The following REXO5 variants were observed in gnomAD, a reference collection of about 807,000 sequenced individuals.
The protein encoded by REXO5 is exonuclease NEF-sp.
REXO5 carries 48 observed loss-of-function variants against 88.5 expected under a neutral mutation model. The ratio of observed to expected loss-of-function variants is 0.54; its 90% CI spans 0.43 to 0.69. The LOEUF (loss-of-function observed/expected upper bound fraction) is 0.69, where lower values mean the gene tolerates loss of function less well. Ranked by LOEUF, REXO5 falls within the 30% of genes least tolerant of loss-of-function variation. The pLI, the probability that REXO5 is intolerant of heterozygous loss-of-function variation, is 0.00. For synonymous variants in REXO5, 311 were observed against 336.5 expected, an observed-to-expected ratio of 0.92 and a Z score of 0.83; for missense variants, 749 against 912.2, an observed-to-expected ratio of 0.82 and a Z score of 2.30.
At chr16:20,843,859 G>A in intron 15 of REXO5, 75 bp from the exon 16 acceptor site, 1 of 1,064,520 alleles carries the variant, frequency 9.4e-7, no homozygotes, top group East Asian at 2.4e-5. Context: ...ACTGTAGTTT[G>A]AATCCTTTCC....
Position 20,820,274 on chromosome 16 carries a change from C to T in REXO5, c.476-1488C>T, listed in dbSNP as rs899495240. On this transcript the variant is annotated intron_variant, in intron 5 of 19. Transcript: ENST00000261377. ...CTACTGACAAACCAAGTTTACTCTA[C>T]ATTTCTGTCTTGCCTGGAATGTCCT... is the stretch of plus-strand genomic sequence containing the variant. 6.6e-5 allele frequency among the ~76,000 whole-genome samples: 10 copies of T among 152,026 alleles called. No homozygotes were observed. The South Asian group carries it at 1.2e-3, about 19-fold the overall frequency.
At chr16:20,814,017 T>C (rs1347956274) in intron 3 of REXO5, among the ~76,000 whole-genome samples, 1 of 152,136 alleles carries the variant, frequency 6.6e-6, no homozygotes, top group Non-Finnish European at 1.5e-5. Context: ...TGTTATGAAT[T>C]GGCTAGCTAC....
At chr16:20,816,739 A>T (rs564343124) in intron 5 of REXO5, among the ~76,000 whole-genome samples, 1 of 152,328 alleles carries the variant, frequency 6.6e-6, no homozygotes, top group East Asian at 1.9e-4. Context: ...CAATCTGGTT[A>T]GATAGCTAAG....
chr16:20,827,355 G>T lies in REXO5; in HGVS notation c.963G>T (p.Met321Ile). 1 of 1,611,582 alleles carries T rather than the reference G, an allele frequency of 6.2e-7. No individual in the cohort carries two copies. The highest frequency in any genetic ancestry group is 1.1e-5 in the South Asian group (1 of 90,740). ...SLDLDLRALK[M>I]IHPYVIDTSL... is the part of the protein sequence containing the mutation. Reference sequence around the variant, plus strand: ...ATTTTATTCTCTTTCTTCCTCAGATGATACATCCATATGTTATTGATACAT... The same window carrying T: ...ATTTTATTCTCTTTCTTCCTCAGATTATACATCCATATGTTATTGATACAT... Residue 321 changes from methionine to isoleucine, a missense_variant and splice_region_variant, in exon 10 of 20, where the codon ATG becomes ATT. By Grantham distance (10) the Met-to-Ile change is conservative. Coordinates refer to ENST00000261377, the MANE Select transcript of REXO5 (RefSeq NM_030941.3).
At chr16:20,819,873 T>C (rs1296103422) in intron 5 of REXO5, among the ~76,000 whole-genome samples, 1 of 152,174 alleles carries the variant, frequency 6.6e-6, no homozygotes, top group Non-Finnish European at 1.5e-5. Flanking sequence ...TCCTCCTGCC[T>C]CAGCCTCCTG....
intron 8 of REXO5, 40 bp from the exon 9 acceptor site, chr16:20,827,018 T>C: frequency 6.3e-7 from 1 of 1,590,788 alleles, no homozygotes; most frequent in Non-Finnish European, 8.6e-7. Context: ...GAAAACTTGT[T>C]AATATCCTAG....
chr16:20,820,315 C>T (rs2152502876), intron 5 of REXO5, among the ~76,000 whole-genome samples: 1 of 151,806 alleles, frequency 6.6e-6, no homozygotes, highest in African/African-American at 2.4e-5. Flanking sequence ...ACTTATGATA[C>T]TTTGGCTATT....
chr16:20,830,196 A>T (rs972910665), intron 11 of REXO5, among the ~76,000 whole-genome samples: 6 of 151,130 alleles, frequency 4.0e-5, no homozygotes, highest in Admixed American at 6.6e-5. Flanking sequence ...TTTTATTTTT[A>T]TTTTTTTTGA....
intron 2 of REXO5, among the ~76,000 whole-genome samples, chr16:20,807,683 T>C (rs2152498033): frequency 6.6e-6 from 1 of 150,390 alleles, no homozygotes; most frequent in East Asian, 1.9e-4. Flanking sequence ...GGGAGCATCA[T>C]TTGAGGCCAG....
At position 20,822,282 on chromosome 16, in the gene REXO5, C is replaced by T. The variant is rs1343123555; in HGVS notation, c.616+380C>T. On this transcript the variant is annotated intron_variant, in intron 6 of 19. Transcript: ENST00000261377. ...TTCTAATTCTCCTCCCACACTGCCCCCATATTTCTTTAACAAATAGAGCAG... is the reference window on the plus strand; with the variant it reads ...TTCTAATTCTCCTCCCACACTGCCCTCATATTTCTTTAACAAATAGAGCAG... Among the ~76,000 whole-genome samples the T allele has an allele frequency of 2.0e-5, 3 of 152,072 alleles. No individual in the cohort carries two copies. The South Asian group carries it at 6.2e-4, about 32-fold the overall frequency.
At chr16:20,810,099 T>G (rs1470761185) in intron 2 of REXO5, among the ~76,000 whole-genome samples, 1 of 152,218 alleles carries the variant, frequency 6.6e-6, no homozygotes, top group Non-Finnish European at 1.5e-5. Context: ...CAGGCTCATA[T>G]GTGCTTTCCC....
At chr16:20,839,461 CACTTATTT>C (rs1423997434) in intron 13 of REXO5, among the ~76,000 whole-genome samples, 2 of 151,860 alleles carry the variant, frequency 1.3e-5, no homozygotes, top group Non-Finnish European at 2.9e-5. Flanking sequence ...GTGGGAGTTA[CACTTATTT>C]ATTTAATTAC....
chr16:20,809,288 T>G (rs1410568170), intron 2 of REXO5, among the ~76,000 whole-genome samples: 1 of 152,222 alleles, frequency 6.6e-6, no homozygotes, highest in African/African-American at 2.4e-5. Context: ...TAAACCTACA[T>G]AATCACAATG....
intron 6 of REXO5, among the ~76,000 whole-genome samples, chr16:20,822,284 A>G (rs2081196957): frequency 6.6e-6 from 1 of 152,276 alleles, no homozygotes; most frequent in East Asian, 1.9e-4. Flanking sequence ...CACTGCCCCC[A>G]TATTTCTTTA....
At chr16:20,817,981 C>T (rs1659193469) in intron 5 of REXO5, among the ~76,000 whole-genome samples, 1 of 152,160 alleles carries the variant, frequency 6.6e-6, no homozygotes, top group Non-Finnish European at 1.5e-5. Context: ...CATATTCCCT[C>T]TTGTTGGTGT....
intron 12 of REXO5, 29 bp from the exon 13 acceptor site, chr16:20,832,974 C>A: frequency 1.9e-6 from 3 of 1,595,436 alleles, no homozygotes; most frequent in Non-Finnish European, 1.7e-6. Context: ...AACTGTTGTT[C>A]TTACCTTAAC....
At chr16:20,837,790 A>C (rs750864361) in intron 13 of REXO5, among the ~76,000 whole-genome samples, 16 of 152,058 alleles carry the variant, frequency 1.1e-4, no homozygotes, top group Non-Finnish European at 1.9e-4. Flanking sequence ...TTTTTGAGAC[A>C]GGGTCTTGCT....
intron 1 of REXO5, 80 bp downstream of exon 1, chr16:20,806,785 C>T: frequency 8.5e-7 from 1 of 1,181,718 alleles, no homozygotes; most frequent in Admixed American, 2.9e-5. Flanking sequence ...ATCGTTGGCA[C>T]CTTCGCTTTT....
chr16:20,849,152 T>C (rs1309546222), intron 19 of REXO5, among the ~76,000 whole-genome samples: 1 of 152,240 alleles, frequency 6.6e-6, no homozygotes, highest in Non-Finnish European at 1.5e-5. Flanking sequence ...ATTTAAATAT[T>C]TCATAGTTTT....
Sources: allele counts gnomAD v4.1 joint callset (sites outside exome capture counted in the v4.1 genomes callset), GRCh38; gene constraint gnomAD v4.1.1; transcripts MANE v1.5; gene names NCBI Gene and HGNC (gene_info 2026-07-23, HGNC 2026-07-21).